The following CNTN1 variants were observed in gnomAD, a reference collection of about 807,000 sequenced individuals.
The protein encoded by CNTN1 is contactin-1.
CNTN1 carries 38 observed loss-of-function variants against 126.4 expected under a neutral mutation model. That is an observed-to-expected ratio of 0.30 (90% confidence interval 0.23 to 0.39). The LOEUF (loss-of-function observed/expected upper bound fraction) is 0.39, where lower values mean the gene tolerates loss of function less well. Ranked by LOEUF, CNTN1 falls within the 10% of genes least tolerant of loss-of-function variation. The pLI, the probability that CNTN1 is intolerant of heterozygous loss-of-function variation, is 1.00. For synonymous variants in CNTN1, 413 were observed against 422.6 expected (o/e 0.98, Z 0.28); for missense variants, 1,009 against 1,248.4 (o/e 0.81, Z 2.89).
chr12:40,766,561 G>A (rs1408309166), intron 1 of CNTN1, among the ~76,000 whole-genome samples: 1 of 152,110 alleles, frequency 6.6e-6, no homozygotes, highest in Non-Finnish European at 1.5e-5. Context: ...TTTAAAAGGG[G>A]TGGAGGGTAC....
At chr12:40,920,035 TA>T (rs1202374017) in intron 4 of CNTN1, among the ~76,000 whole-genome samples, 1 of 152,096 alleles carries the variant, frequency 6.6e-6, no homozygotes, top group African/African-American at 2.4e-5. Flanking sequence ...CAAGAACTAG[TA>T]AATCACAGAT....
At chr12:41,005,797 C>A (rs1302381814) in intron 17 of CNTN1, among the ~76,000 whole-genome samples, 1 of 152,104 alleles carries the variant, frequency 6.6e-6, no homozygotes, top group Admixed American at 6.5e-5. Flanking sequence ...TCTAAACTGT[C>A]TATTTTTTCT....
At chr12:41,044,155 TAAAA>T (rs1304933199) in intron 23 of CNTN1, among the ~76,000 whole-genome samples, 1 of 151,016 alleles carries the variant, frequency 6.6e-6, no homozygotes, top group Non-Finnish European at 1.5e-5. Flanking sequence ...ATAATAATAA[TAAAA>T]TAAATAAAAA....
At chr12:40,947,776 TATATATACACAC>T (rs1330292403) in intron 14 of CNTN1, among the ~76,000 whole-genome samples, 13 of 89,644 alleles carry the variant, frequency 1.5e-4, no homozygotes, top group Admixed American at 2.5e-4. Flanking sequence ...TATATATATA[TATATATACACAC>T]ACACACACAC....
At chr12:40,892,466 A>T (rs575363424) in intron 1 of CNTN1, among the ~76,000 whole-genome samples, 1 of 152,184 alleles carries the variant, frequency 6.6e-6, no homozygotes, top group South Asian at 2.1e-4. Context: ...TAGGTTACTG[A>T]CTCCTATTAA....
chr12:40,953,807 A>T (rs1322670464), intron 14 of CNTN1, among the ~76,000 whole-genome samples: 1 of 152,086 alleles, frequency 6.6e-6, no homozygotes, highest in Non-Finnish European at 1.5e-5. Context: ...CATTATTCCT[A>T]TCAGAATAAA....
At chr12:40,771,660 A>T (rs1352206044) in intron 1 of CNTN1, among the ~76,000 whole-genome samples, 1 of 151,998 alleles carries the variant, frequency 6.6e-6, no homozygotes, top group South Asian at 2.1e-4. Flanking sequence ...ATTAATAAGC[A>T]CAATAGGCAC....
At chr12:40,935,325 T>C (rs1338051893) in intron 9 of CNTN1, among the ~76,000 whole-genome samples, 1 of 152,042 alleles carries the variant, frequency 6.6e-6, no homozygotes, top group African/African-American at 2.4e-5. Context: ...TTCAACATAT[T>C]AAGAAAACTA....
intron 1 of CNTN1, among the ~76,000 whole-genome samples, chr12:40,752,491 G>A (rs141493620): frequency 2.0e-5 from 3 of 152,126 alleles, no homozygotes; most frequent in Non-Finnish European, 4.4e-5. Flanking sequence ...AAAAATGTCT[G>A]TTTTTAAAAA....
rs1566235533 is a variant in CNTN1 at position 41,057,062 on chromosome 12, TA to T, written c.2981-12896del. On this transcript the variant is annotated intron_variant, in intron 23 of 23. Coordinates refer to ENST00000551295, the MANE Select transcript of CNTN1 (RefSeq NM_001843.4). Reference sequence around the variant, plus strand: ...TAAATATTTAGATATTTATAAATATTATAAATATTTAGATATTTATAAATAT... The same window carrying T: ...TAAATATTTAGATATTTATAAATATTTAAATATTTAGATATTTATAAATAT... 6.2e-4 allele frequency among the ~76,000 whole-genome samples: 76 copies of T among 123,008 alleles called. 1 individual carries two copies. Among genetic ancestry groups the T allele is most frequent in the Admixed American group, 1.1e-3 (13 of 11,790 alleles). 80.7% of individuals were successfully genotyped at this position (123,008 alleles called of 152,430 possible).
At chr12:40,801,041 G>C (rs1336674500) in intron 1 of CNTN1, among the ~76,000 whole-genome samples, 1 of 142,494 alleles carries the variant, frequency 7.0e-6, no homozygotes, top group Non-Finnish European at 1.5e-5. Context: ...AGATAGATTT[G>C]ACAAGCTAGG....
At chr12:40,694,643 T>G (rs1437694726) in intron 1 of CNTN1, among the ~76,000 whole-genome samples, 1 of 152,220 alleles carries the variant, frequency 6.6e-6, no homozygotes, top group Non-Finnish European at 1.5e-5. Flanking sequence ...CCTACAAAAT[T>G]TAATTCTGTG....
At chr12:40,859,122 C>T (rs1943027323) in intron 1 of CNTN1, among the ~76,000 whole-genome samples, 1 of 151,752 alleles carries the variant, frequency 6.6e-6, no homozygotes, top group Non-Finnish European at 1.5e-5. Context: ...TACACATGTA[C>T]CCCAGAACTT....
chr12:41,054,090 T>C (rs1257086254), intron 23 of CNTN1, among the ~76,000 whole-genome samples: 1 of 151,820 alleles, frequency 6.6e-6, no homozygotes, highest in Non-Finnish European at 1.5e-5. Context: ...TATTCTCAAA[T>C]TAAAGTGAAA....
chr12:41,011,143 T>TCTTC (rs1948642657), intron 17 of CNTN1, among the ~76,000 whole-genome samples: 1 of 152,192 alleles, frequency 6.6e-6, no homozygotes, highest in African/African-American at 2.4e-5. Context: ...TTGGCCTAAA[T>TCTTC]CTTCCTTTAT....
intron 4 of CNTN1, 61 bp downstream of exon 4, chr12:40,918,832 T>A: frequency 6.3e-7 from 1 of 1,584,192 alleles, no homozygotes; most frequent in South Asian, 1.1e-5. Flanking sequence ...CAGATCAGCA[T>A]CTATGAACTT....
At chr12:41,018,326 T>C (rs1948828323) in intron 19 of CNTN1, among the ~76,000 whole-genome samples, 1 of 152,094 alleles carries the variant, frequency 6.6e-6, no homozygotes, top group African/African-American at 2.4e-5. Flanking sequence ...CTCTATTGGT[T>C]CACCCAACTT....
chr12:40,846,886 G>A (rs1317281941), intron 1 of CNTN1, among the ~76,000 whole-genome samples: 1 of 151,678 alleles, frequency 6.6e-6, no homozygotes, highest in East Asian at 1.9e-4. Flanking sequence ...ATTTTTTTCT[G>A]AGATGGAGTC....
At chr12:40,758,051 G>A (rs1938680889) in intron 1 of CNTN1, among the ~76,000 whole-genome samples, 2 of 151,240 alleles carry the variant, frequency 1.3e-5, no homozygotes, top group Admixed American at 1.3e-4. Flanking sequence ...GACTAAATAT[G>A]TGTTATTCAT....
Sources: gnomAD v4.1 joint callset for allele counts (sites outside exome capture counted in the v4.1 genomes callset) on GRCh38, gnomAD v4.1.1 for gene constraint, MANE v1.5 for transcripts, NCBI Gene and HGNC (gene_info 2026-07-23, HGNC 2026-07-21) for gene names.